The following WASF3 variants were observed in gnomAD, a reference collection of about 807,000 sequenced individuals.
The protein encoded by WASF3 is actin-binding protein WASF3.
In WASF3, 11 loss-of-function variants were observed where a neutral mutation model predicts 46.6. That is an observed-to-expected ratio of 0.24 (90% CI 0.15 to 0.39). WASF3 has a LOEUF of 0.39. Among genes scored for constraint, WASF3 ranks in the 10% least tolerant of loss-of-function variants. The pLI is 1.00. For missense variants in WASF3, 576 were observed against 669.8 expected, an observed-to-expected ratio of 0.86 and a Z score of 1.55; for synonymous variants, 242 against 259.7, an observed-to-expected ratio of 0.93 and a Z score of 0.65.
At chr13:26,680,679 A>G (rs1009174471) in intron 7 of WASF3, among the ~76,000 whole-genome samples, 3 of 152,174 alleles carry the variant, frequency 2.0e-5, no homozygotes, top group Non-Finnish European at 4.4e-5. Flanking sequence ...TGTCAGTTTC[A>G]TTGCCACTGA....
chr13:26,617,265 G>T (rs371788125), intron 2 of WASF3, among the ~76,000 whole-genome samples: 2,981 of 147,820 alleles, frequency 0.02, 66 homozygotes, highest in South Asian at 0.092. Flanking sequence ...CATTTTTAGT[G>T]TTTTTTTTTT....
chr13:26,557,953 C>A, intron 1 of WASF3, 134 bp downstream of exon 1: 1 of 245,674 alleles, frequency 4.1e-6, no homozygotes, highest in Non-Finnish European at 7.8e-6. Flanking sequence ...CGCGCTCCGG[C>A]CGGGCGGCGG....
intron 2 of WASF3, among the ~76,000 whole-genome samples, chr13:26,636,069 C>G (rs1270474641): frequency 6.6e-6 from 1 of 152,254 alleles, no homozygotes; most frequent in Non-Finnish European, 1.5e-5. Context: ...ACTTTTAAGT[C>G]TGCAGAAGTT....
chr13:26,544,847 C>T, the WASF3 span, among the ~76,000 whole-genome samples: 1 of 152,320 alleles, frequency 6.6e-6, no homozygotes, highest in Admixed American at 6.5e-5. Flanking sequence ...TGTGGACATT[C>T]CAGAAAGCTA....
chr13:26,567,398 CA>C (rs1879497622), intron 1 of WASF3, among the ~76,000 whole-genome samples: 1 of 152,110 alleles, frequency 6.6e-6, no homozygotes, highest in South Asian at 2.1e-4. Context: ...TGTTCTAGAT[CA>C]GGGGTTGGTA....
chr13:26,602,561 T>G (rs1566047532), intron 1 of WASF3, among the ~76,000 whole-genome samples: 1 of 152,218 alleles, frequency 6.6e-6, no homozygotes, highest in Non-Finnish European at 1.5e-5. Flanking sequence ...GCTGTGTTTG[T>G]CAGTTTTGTT....
At chr13:26,552,805 A>G (rs549186147), upstream of WASF3, among the ~76,000 whole-genome samples, 1 of 152,336 alleles carries the variant, frequency 6.6e-6, no homozygotes, top group African/African-American at 2.4e-5. Flanking sequence ...ATGTAAGATG[A>G]CATGTTATTA....
upstream of WASF3, among the ~76,000 whole-genome samples, chr13:26,554,045 TTCCTTCCTTCCTTCC>T (rs1566032369): frequency 4.7e-4 from 23 of 49,442 alleles, no homozygotes; most frequent in African/African-American, 1.7e-3. Flanking sequence ...CTTTCTTTCC[TTCCTTCCTTCCTTCC>T]TTCCTTCCTT....
At chr13:26,618,247 TTTG>T (rs1244654812) in intron 2 of WASF3, among the ~76,000 whole-genome samples, 1 of 152,242 alleles carries the variant, frequency 6.6e-6, no homozygotes, top group African/African-American at 2.4e-5. Flanking sequence ...CCTGTAATGG[TTTG>T]TTATTTATAT....
chr13:26,633,666 G>A (rs1044208823), intron 2 of WASF3, among the ~76,000 whole-genome samples: 3 of 152,140 alleles, frequency 2.0e-5, no homozygotes, highest in Non-Finnish European at 4.4e-5. Context: ...CTTTAAGTGT[G>A]TCCCAGAGAT....
At chr13:26,615,876 A>C (rs1465600310) in intron 2 of WASF3, among the ~76,000 whole-genome samples, 1 of 152,136 alleles carries the variant, frequency 6.6e-6, no homozygotes, top group Non-Finnish European at 1.5e-5. Context: ...GGAATAATAC[A>C]GTATGTAGTA....
At chr13:26,590,815 C>A (rs1008705489) in intron 1 of WASF3, among the ~76,000 whole-genome samples, 2 of 152,122 alleles carry the variant, frequency 1.3e-5, no homozygotes, top group African/African-American at 4.8e-5. Flanking sequence ...CCTGCCCTCA[C>A]AAAGCTGACA....
chr13:26,636,945 T>C (rs1442405661), intron 2 of WASF3, among the ~76,000 whole-genome samples: 2 of 152,142 alleles, frequency 1.3e-5, no homozygotes, highest in Non-Finnish European at 1.5e-5. Context: ...GAGCACTGGG[T>C]CCCTCAGAAC....
chr13:26,544,224 G>C, the WASF3 span, among the ~76,000 whole-genome samples: 362 of 152,314 alleles, frequency 2.4e-3, no homozygotes, highest in Non-Finnish European at 4.0e-3. Context: ...CATACAAGGT[G>C]AATTTAAGCT....
chr13:26,583,414 T>C (rs1880040922), intron 1 of WASF3, among the ~76,000 whole-genome samples: 1 of 152,208 alleles, frequency 6.6e-6, no homozygotes, highest in Non-Finnish European at 1.5e-5. Flanking sequence ...ATAGTGTTTA[T>C]TATTTTGTTT....
At chr13:26,636,592 C>T (rs997991802) in intron 2 of WASF3, among the ~76,000 whole-genome samples, 3 of 152,256 alleles carry the variant, frequency 2.0e-5, no homozygotes, top group Admixed American at 6.5e-5. Flanking sequence ...TCTTCTGCGT[C>T]GATCATGCTG....
chr13:26,575,047 A>G (rs543696909), intron 1 of WASF3, among the ~76,000 whole-genome samples: 16 of 152,262 alleles, frequency 1.1e-4, no homozygotes, highest in African/African-American at 3.1e-4. Flanking sequence ...TGTGTTAGCC[A>G]GGATGGTCTC....
At chr13:26,545,081 G>T in the WASF3 span, among the ~76,000 whole-genome samples, 2 of 152,228 alleles carry the variant, frequency 1.3e-5, no homozygotes, top group South Asian at 4.1e-4. Context: ...AGAGCATCGT[G>T]TTGTTCTTTG....
chr13:26,640,204 C>T (rs1394013142), intron 2 of WASF3, among the ~76,000 whole-genome samples: 2 of 152,042 alleles, frequency 1.3e-5, no homozygotes, highest in African/African-American at 4.8e-5. Flanking sequence ...ACTTTCAATA[C>T]CTGAGATCAC....
Sources: allele counts gnomAD v4.1 joint callset (sites outside exome capture counted in the v4.1 genomes callset), GRCh38; gene constraint gnomAD v4.1.1; transcripts MANE v1.5; gene names NCBI Gene and HGNC (gene_info 2026-07-23, HGNC 2026-07-21).